Variants in FCHSD2 observed in about 807,000 individuals in gnomAD.
The protein encoded by FCHSD2 is F-BAR and double SH3 domains protein 2.
Under a neutral mutation model 108.1 loss-of-function variants are expected in FCHSD2, and 38 were observed. The ratio of observed to expected loss-of-function variants is 0.35; its 90% CI spans 0.27 to 0.46. The LOEUF is 0.46. Among genes scored for constraint, FCHSD2 ranks in the 20% least tolerant of loss-of-function variants. The probability of loss-of-function intolerance (pLI) is 1.00; values close to 1 mark genes in which losing one functional copy is unlikely to be tolerated. For synonymous variants in FCHSD2, 279 were observed against 314.7 expected, an observed-to-expected ratio of 0.89 and a Z score of 1.20; for missense variants, 751 against 897.8, an observed-to-expected ratio of 0.84 and a Z score of 2.09.
At chr11:73,013,182 A>G (rs970034652) in intron 4 of FCHSD2, among the ~76,000 whole-genome samples, 3 of 151,872 alleles carry the variant, frequency 2.0e-5, no homozygotes, top group African/African-American at 7.3e-5. Context: ...AATCTCCACC[A>G]CTCCAGTTAA....
chr11:72,914,691 T>C lies in FCHSD2; in HGVS notation c.828+7137A>G, dbSNP rs151217357. On this transcript the variant is annotated intron_variant, in intron 9 of 19. Coordinates refer to ENST00000409418, the MANE Select transcript of FCHSD2 (RefSeq NM_014824.3). ...TAACTGGCTAGCCATATGCAGAAAATTGAAACTGGACCCCTTCCTTACACC... is the reference window on the plus strand; with the variant it reads ...TAACTGGCTAGCCATATGCAGAAAACTGAAACTGGACCCCTTCCTTACACC... Among the ~76,000 whole-genome samples, 997 of 152,124 alleles carry C rather than the reference T, an allele frequency of 6.6e-3. 9 individuals carry two copies. The highest frequency in any genetic ancestry group is 0.019 in the African/African-American group (806 of 41,498).
chr11:72,926,181 G>A (rs1856072196), intron 8 of FCHSD2, among the ~76,000 whole-genome samples: 1 of 152,138 alleles, frequency 6.6e-6, no homozygotes, highest in East Asian at 1.9e-4. Flanking sequence ...TCAGGCCAGG[G>A]AGGGCCTGAA....
At chr11:72,913,761 C>A (rs532544135) in intron 9 of FCHSD2, among the ~76,000 whole-genome samples, 1 of 147,962 alleles carries the variant, frequency 6.8e-6, no homozygotes, top group Non-Finnish European at 1.5e-5. Flanking sequence ...ACAGTCAAGC[C>A]GAGAGCCAAA....
intron 8 of FCHSD2, among the ~76,000 whole-genome samples, chr11:72,963,629 A>G (rs1420888783): frequency 1.3e-5 from 2 of 152,214 alleles, no homozygotes; most frequent in East Asian, 3.8e-4. Context: ...ACAGATGGGT[A>G]GGGTGGGGTG....
chr11:72,956,286 A>C (rs1013218254), intron 8 of FCHSD2, among the ~76,000 whole-genome samples: 1 of 152,228 alleles, frequency 6.6e-6, no homozygotes, highest in African/African-American at 2.4e-5. Context: ...GAAAAGTAGA[A>C]GAAATGATGA....
chr11:73,067,651 GA>G (rs1591527856), intron 3 of FCHSD2, among the ~76,000 whole-genome samples: 1 of 151,738 alleles, frequency 6.6e-6, no homozygotes, highest in East Asian at 1.9e-4. Flanking sequence ...AGCTGAAAAG[GA>G]ACAAGTGCAA....
At chr11:72,975,932 C>T (rs1857096140) in intron 8 of FCHSD2, among the ~76,000 whole-genome samples, 1 of 152,172 alleles carries the variant, frequency 6.6e-6, no homozygotes, top group Non-Finnish European at 1.5e-5. Context: ...GTATCTCATT[C>T]TTCCTCATCC....
intron 8 of FCHSD2, among the ~76,000 whole-genome samples, chr11:72,976,890 G>T (rs1382110760): frequency 2.0e-5 from 3 of 151,138 alleles, no homozygotes; most frequent in African/African-American, 7.3e-5. Context: ...AAATCAGAAT[G>T]AATTAAAGAC....
At chr11:72,903,917 G>A (rs939963298) in intron 9 of FCHSD2, among the ~76,000 whole-genome samples, 3 of 152,132 alleles carry the variant, frequency 2.0e-5, no homozygotes, top group African/African-American at 7.2e-5. Context: ...ACCATTTATT[G>A]AGAGAGTTTA....
At chr11:72,895,147 A>C (rs989642270) in intron 10 of FCHSD2, among the ~76,000 whole-genome samples, 9 of 152,164 alleles carry the variant, frequency 5.9e-5, no homozygotes, top group Admixed American at 5.2e-4. Context: ...ACTCATCTAG[A>C]TAATTGTTGA....
intron 3 of FCHSD2, among the ~76,000 whole-genome samples, chr11:73,021,096 TG>T (rs1327699464): frequency 6.6e-6 from 1 of 152,084 alleles, no homozygotes; most frequent in Non-Finnish European, 1.5e-5. Context: ...CAGGTTGATC[TG>T]AACTCCTGGC....
intron 8 of FCHSD2, among the ~76,000 whole-genome samples, chr11:72,924,117 TA>T (rs1269130891): frequency 2.6e-5 from 4 of 152,032 alleles, no homozygotes; most frequent in Non-Finnish European, 4.4e-5. Flanking sequence ...TTTACTTTTT[TA>T]AAAAAAGTGA....
chr11:72,980,679 A>ATATATATATATATATAATGTGTGTGTGTG (rs1334679429), intron 8 of FCHSD2, among the ~76,000 whole-genome samples: 1 of 80,862 alleles, frequency 1.2e-5, no homozygotes, highest in African/African-American at 3.9e-5. Flanking sequence ...GTGTGTGTAT[A>ATATATATATATATATAATGTGTGTGTGTG]TATATATATA....
chr11:72,901,277 GC>G (rs1331547289), intron 10 of FCHSD2, among the ~76,000 whole-genome samples: 2 of 143,612 alleles, frequency 1.4e-5, no homozygotes, highest in African/African-American at 5.2e-5. Flanking sequence ...CGTGCCTGTG[GC>G]CCCAGCTAAT....
intron 3 of FCHSD2, among the ~76,000 whole-genome samples, chr11:73,079,809 C>T (rs915389034): frequency 6.6e-6 from 1 of 152,022 alleles, no homozygotes; most frequent in Non-Finnish European, 1.5e-5. Context: ...GTAACAGAAA[C>T]AGGCAGTAAA....
intron 3 of FCHSD2, among the ~76,000 whole-genome samples, chr11:73,060,158 C>G (rs1191944483): frequency 1.3e-5 from 2 of 152,200 alleles, no homozygotes; most frequent in Admixed American, 6.5e-5. Flanking sequence ...CCAATAGATT[C>G]ATTGAATGAA....
chr11:73,005,503 T>C (rs1857720704), intron 4 of FCHSD2, among the ~76,000 whole-genome samples: 1 of 152,214 alleles, frequency 6.6e-6, no homozygotes. Context: ...TCACCAGCCA[T>C]TCTTTAGTCT....
chr11:72,997,521 G>A lies in FCHSD2; in HGVS notation c.387+3469C>T, dbSNP rs556903565. Reference sequence around the variant, plus strand: ...CCAAAAATCAAGAAAAACCGCAGGCGGTTAAAAGAGACCTACAGTAATTCA... The same window carrying A: ...CCAAAAATCAAGAAAAACCGCAGGCAGTTAAAAGAGACCTACAGTAATTCA... On this transcript the variant is annotated intron_variant, in intron 5 of 19. Coordinates refer to ENST00000409418, the MANE Select transcript of FCHSD2 (RefSeq NM_014824.3). Among the ~76,000 whole-genome samples, 5 of 152,086 alleles carry A rather than the reference G, an allele frequency of 3.3e-5. No individual in the cohort carries two copies. The South Asian group carries it at 6.2e-4, about 19-fold the overall frequency.
At chr11:72,886,197 A>C (rs1000953589) in intron 12 of FCHSD2, among the ~76,000 whole-genome samples, 1 of 152,182 alleles carries the variant, frequency 6.6e-6, no homozygotes, top group African/African-American at 2.4e-5. Context: ...ACATACTTAT[A>C]GGGCTGCACT....
Sources: allele counts gnomAD v4.1 joint callset (sites outside exome capture counted in the v4.1 genomes callset), GRCh38; gene constraint gnomAD v4.1.1; transcripts MANE v1.5; gene names NCBI Gene and HGNC (gene_info 2026-07-23, HGNC 2026-07-21).